Variants in PDZD2 observed in about 807,000 individuals in gnomAD.
The protein encoded by PDZD2 is PDZ domain containing 2.
In PDZD2, 90 loss-of-function variants were observed where a neutral mutation model predicts 220.7. The observed-to-expected ratio is 0.41, with a 90% CI of 0.34 to 0.49. The LOEUF (loss-of-function observed/expected upper bound fraction) is 0.49, where lower values mean the gene tolerates loss of function less well. Ranked by LOEUF, PDZD2 falls within the 20% of genes least tolerant of loss-of-function variation. The pLI is 0.28. For synonymous variants in PDZD2, 1,375 were observed against 1,450.5 expected, an observed-to-expected ratio of 0.95 and a Z score of 1.18; for missense variants, 3,174 against 3,608.5, an observed-to-expected ratio of 0.88 and a Z score of 3.08.
chr5:31,840,835 T>A, intron 2 of PDZD2: 1 of 744,046 alleles, frequency 1.3e-6, no homozygotes, highest in Non-Finnish European at 2.5e-6. Context: ...TTTTGAACAG[T>A]ACCCATTCCC....
intron 5 of PDZD2, among the ~76,000 whole-genome samples, chr5:32,002,901 ACCC>A (rs762376420): frequency 2.3e-4 from 3 of 13,256 alleles, no homozygotes; most frequent in Admixed American, 1.8e-3. Context: ...ACCAACACAC[ACCC>A]CCACCACACA....
chr5:31,915,062 A>G (rs1743561156), intron 2 of PDZD2, among the ~76,000 whole-genome samples: 1 of 152,168 alleles, frequency 6.6e-6, no homozygotes, highest in Non-Finnish European at 1.5e-5. Flanking sequence ...TTCTTTTAGA[A>G]GCTGTAGGGG....
At chr5:32,008,692 G>A (rs2112070263) in intron 5 of PDZD2, among the ~76,000 whole-genome samples, 1 of 152,308 alleles carries the variant, frequency 6.6e-6, no homozygotes, top group South Asian at 2.1e-4. Context: ...ACACAGCAGT[G>A]AATGGAAATG....
At chr5:31,892,002 C>T (rs1342917545) in intron 2 of PDZD2, among the ~76,000 whole-genome samples, 1 of 152,064 alleles carries the variant, frequency 6.6e-6, no homozygotes, top group African/African-American at 2.4e-5. Flanking sequence ...CTTCAACCTC[C>T]CAGGCTCTGA....
intron 1 of PDZD2, among the ~76,000 whole-genome samples, chr5:31,721,021 G>A (rs989105498): frequency 6.6e-6 from 1 of 152,166 alleles, no homozygotes; most frequent in Non-Finnish European, 1.5e-5. Flanking sequence ...AACAAGGCAG[G>A]AGGAGGTTGG....
chr5:31,829,212 A>T (rs1192828732), intron 2 of PDZD2, among the ~76,000 whole-genome samples: 2 of 152,132 alleles, frequency 1.3e-5, no homozygotes, highest in Non-Finnish European at 2.9e-5. Context: ...TGTTACTCTT[A>T]TAGAGGTGTG....
rs1461836194 is a variant in PDZD2, at chr5:32,088,182, C to T, written c.4734C>T (p.Ser1578=). The T allele has an allele frequency of 6.2e-7, 1 of 1,613,978 alleles. No individual in the cohort carries two copies. Among genetic ancestry groups the T allele is most frequent in the Non-Finnish European group, 8.5e-7 (1 of 1,179,996 alleles). The change falls in exon 20 of 25, where the codon TCC becomes TCT. Residue 1578 remains serine (S), a synonymous_variant. Transcript: ENST00000438447. The surrounding 1 kb of genome is among the most constrained non-coding windows in gnomAD (Gnocchi z 4.6). ...GAGCTTCTGCCAGGGACGGCTGGTC[C>T]CCTCCTCGTTCCCGTGTGTCTTTGC... is the stretch of plus-strand genomic sequence containing the variant. ...APRASARDGW[S]PPRSRVSLHK...
intron 1 of PDZD2, among the ~76,000 whole-genome samples, chr5:31,736,486 A>G (rs910316460): frequency 6.6e-5 from 10 of 152,268 alleles, no homozygotes; most frequent in Non-Finnish European, 1.3e-4. Context: ...GCTAATGTGA[A>G]CAAAGAAAAC....
rs570930318 is a variant in PDZD2, at chr5:31,886,799, G to A, written c.476+87075G>A. Among the ~76,000 whole-genome samples, 63 of 151,964 alleles carry A rather than the reference G, an allele frequency of 4.1e-4. 1 individual carries two copies. Among genetic ancestry groups the A allele is most frequent in the Non-Finnish European group, 3.8e-4 (26 of 67,988 alleles). ...TGCAAACTCCGCCTCCCGGGTTCAC[G>A]CCATTCTCCTGCCTCAGCCTCCCGA... On this transcript the variant is annotated intron_variant, in intron 2 of 24. Transcript: ENST00000438447.
Position 31,992,501 on chromosome 5 carries a change from G to T in PDZD2, c.979-3075G>T, listed in dbSNP as rs1159534750. Among the ~76,000 whole-genome samples, 3 of 152,008 alleles carry T rather than the reference G, an allele frequency of 2.0e-5. No individual in the cohort carries two copies. The South Asian group carries it at 6.2e-4, about 32-fold the overall frequency. ...ATGAACATCGTTTTGCATGTTTCTT[G>T]TCACATGTCCTACTTCTAAAAGTAT... is the stretch of plus-strand genomic sequence containing the variant. On this transcript the variant is annotated intron_variant, in intron 3 of 24. Coordinates refer to ENST00000438447, the MANE Select transcript of PDZD2 (RefSeq NM_178140.4).
At chr5:31,975,780 A>G (rs1238212637) in intron 2 of PDZD2, among the ~76,000 whole-genome samples, 1 of 145,712 alleles carries the variant, frequency 6.9e-6, no homozygotes, top group Non-Finnish European at 1.5e-5. Flanking sequence ...GAGCACACTG[A>G]AGGTATCAGT....
At position 32,041,864 on chromosome 5, in the gene PDZD2, AC is replaced by A. The variant is rs200599174; in HGVS notation, c.1519+4523del. Among the ~76,000 whole-genome samples the A allele has an allele frequency of 6.0e-5, 9 of 149,838 alleles. No homozygotes were observed. In the East Asian group the frequency reaches 1.8e-3, roughly 30 times the overall value. On this transcript the variant is annotated intron_variant, in intron 7 of 24. Transcript: ENST00000438447. ...AAATACTAAAACAACAACAACAACA[AC>A]AACAACAACAAAACTATAGGTAAAT...
In PDZD2 at chr5:31,991,145, C is replaced by T. The variant is rs1157530289; in HGVS notation, c.979-4431C>T. On this transcript the variant is annotated intron_variant, in intron 3 of 24. Transcript: ENST00000438447. Reference sequence around the variant, plus strand: ...CACCTTGGAGTTTGAACCTTATTCTCGGTCCTGTGGGAAGTTGTTGGAGGG... The same window carrying T: ...CACCTTGGAGTTTGAACCTTATTCTTGGTCCTGTGGGAAGTTGTTGGAGGG... Among the ~76,000 whole-genome samples the T allele has an allele frequency of 5.9e-5, 9 of 152,160 alleles. No individual in the cohort carries two copies. The East Asian group carries it at 1.5e-3, about 26-fold the overall frequency.
chr5:31,670,455 C>T (rs1460483836), intron 1 of PDZD2, among the ~76,000 whole-genome samples: 4 of 152,236 alleles, frequency 2.6e-5, no homozygotes, highest in African/African-American at 7.2e-5. Context: ...CTCGCCCTGT[C>T]GCCCAGGCTG....
Position 32,090,451 on chromosome 5 carries a change from G to C in PDZD2, c.7003G>C (p.Val2335Leu). Residue 2335 changes from valine to leucine, a missense_variant, in exon 20 of 25, where the codon GTG (valine) becomes CTG (leucine). Around this residue, in one of 4 missense-constraint regions of PDZD2, gnomAD observed 631 missense variants for 789.9 expected, o/e 0.80. Transcript: ENST00000438447. The surrounding 1 kb of genome is among the most constrained non-coding windows in gnomAD (Gnocchi z 4.3). Reference protein sequence around the residue: ...WPHESTSFFSVKQRIKSFENL... With the variant: ...WPHESTSFFSLKQRIKSFENL... The stretch of plus-strand genomic sequence containing the variant: ...CCATGAATCTACCTCATTTTTCTCT[G>C]TGAAGCAGCGGATCAAGTCTTTTGA... 1 of 1,614,086 alleles carries C rather than the reference G, an allele frequency of 6.2e-7. No individual in the cohort carries two copies. The highest frequency in any genetic ancestry group is 2.2e-5 in the East Asian group (1 of 44,870).
chr5:31,967,593 C>T (rs991913610), intron 2 of PDZD2, among the ~76,000 whole-genome samples: 1 of 152,172 alleles, frequency 6.6e-6, no homozygotes. Flanking sequence ...CAGACATAAT[C>T]TCTGAGATAC....
At chr5:31,860,814 T>C (rs1026188038) in intron 2 of PDZD2, among the ~76,000 whole-genome samples, 2 of 152,214 alleles carry the variant, frequency 1.3e-5, no homozygotes, top group Non-Finnish European at 2.9e-5. Flanking sequence ...CTATGACTTA[T>C]CAGGGTTCTG....
rs10710224 is a variant in PDZD2, at chr5:32,086,843, A to ATTTTTTTT, written c.3683-270_3683-263dup. ...AGGTGCCCACCCCCATGCCCAGCTAATTTTTTTTTTTTTTTTTTTTTTTTT... is the reference window on the plus strand; with the variant it reads ...AGGTGCCCACCCCCATGCCCAGCTAATTTTTTTTTTTTTTTTTTTTTTTTTTTTTTTTT... On this transcript the variant is annotated intron_variant, in intron 19 of 24. Coordinates refer to ENST00000438447, the MANE Select transcript of PDZD2 (RefSeq NM_178140.4). Among the ~76,000 whole-genome samples, 4 of 85,210 alleles carry ATTTTTTTT rather than the reference A, an allele frequency of 4.7e-5. 1 individual carries two copies. Among genetic ancestry groups the ATTTTTTTT allele is most frequent in the East Asian group, 3.6e-4 (1 of 2,756 alleles). 55.9% of individuals were successfully genotyped at this position (85,210 alleles called of 152,430 possible). A position where few individuals can be genotyped will look rare whatever the true frequency, so the allele number is the denominator to read the frequency against.
chr5:32,036,058 C>T (rs1755519984), intron 6 of PDZD2, among the ~76,000 whole-genome samples: 1 of 152,156 alleles, frequency 6.6e-6, no homozygotes. Context: ...GTTCTCCTGC[C>T]TCAGCCTCTC....
Sources: allele counts gnomAD v4.1 joint callset (sites outside exome capture counted in the v4.1 genomes callset), GRCh38; gene constraint gnomAD v4.1.1; regional missense constraint gnomAD v4.1.1; non-coding constraint Gnocchi (gnomAD v3.1); transcripts MANE v1.5; gene names NCBI Gene and HGNC (gene_info 2026-07-23, HGNC 2026-07-21).